SPA17: variants seen among roughly 807,000 people sequenced by gnomAD.
SPA17 encodes the protein sperm surface protein Sp17.
In SPA17, 7 loss-of-function variants were observed where a neutral mutation model predicts 13.8. That is an observed-to-expected ratio of 0.51 (90% confidence interval 0.29 to 0.95). SPA17 has a LOEUF of 0.95. Among genes scored for constraint, SPA17 ranks in the 40% least tolerant of loss-of-function variants. SPA17 has a pLI of 0.08. For synonymous variants in SPA17, 61 were observed against 59.0 expected (o/e 1.03, Z -0.16); for missense variants, 170 against 179.3 (o/e 0.95, Z 0.30).
Position 124,696,182 on chromosome 11 carries a change from C to CA in SPA17, c.*1737dup, listed in dbSNP as rs775671484. On this transcript the variant is annotated 3_prime_UTR_variant, in exon 5 of 5. Transcript: ENST00000227135. ...CCTTAACCCCTCTCCTCCAGGCTTA[C>CA]AGAGGAAAAGAAATCAGTTCTCCTC... is the stretch of plus-strand genomic sequence containing the variant. The CA allele has an allele frequency of 6.6e-6, 1 of 152,302 alleles. No individual in the cohort carries two copies. Among genetic ancestry groups the CA allele is most frequent in the Non-Finnish European group, 1.5e-5 (1 of 68,138 alleles). 9.4% of individuals were successfully genotyped at this position (152,302 alleles called of 1,614,324 possible). A position where few individuals can be genotyped will look rare whatever the true frequency, so the allele number is the denominator to read the frequency against.
Position 124,675,317 on chromosome 11 carries a change from A to G in SPA17, c.53A>G (p.Asn18Ser), listed in dbSNP as rs754285801. 1.2e-6 allele frequency: 2 copies of G among 1,614,212 alleles called. No homozygotes were observed. Among genetic ancestry groups the G allele is most frequent in the South Asian group, 2.2e-5 (2 of 91,080 alleles). The change falls in exon 2 of 5, where the codon AAT becomes AGT. Residue 18 changes from asparagine to serine, a missense_variant. Transcript: ENST00000227135. ...TACCGAATTCCACAAGGATTTGGGA[A>G]TCTTCTTGAAGGGCTGACACGCGAG... ...THYRIPQGFG[N>S]LLEGLTREIL... is the part of the protein sequence containing the mutation.
chr11:124,685,093 A>T (rs990614850), intron 3 of SPA17, among the ~76,000 whole-genome samples: 1 of 152,270 alleles, frequency 6.6e-6, no homozygotes, highest in African/African-American at 2.4e-5. Context: ...GACAATGGGG[A>T]AAATGTCTCC....
intron 2 of SPA17, among the ~76,000 whole-genome samples, chr11:124,678,235 G>T (rs540924250): frequency 6.6e-6 from 1 of 152,218 alleles, no homozygotes; most frequent in South Asian, 2.1e-4. Flanking sequence ...TCAAAAATGA[G>T]AACTATCTCT....
At position 124,693,485 on chromosome 11, in the gene SPA17, C is replaced by T. The variant is rs926299786; in HGVS notation, c.313-818C>T. 1.1e-3 allele frequency among the ~76,000 whole-genome samples: 159 copies of T among 148,000 alleles called. 1 individual carries two copies. The highest frequency in any genetic ancestry group is 3.7e-3 in the African/African-American group (151 of 40,528). On this transcript the variant is annotated intron_variant, in intron 4 of 4. Coordinates refer to ENST00000227135, the MANE Select transcript of SPA17 (RefSeq NM_017425.4). Reference sequence around the variant, plus strand: ...TGATCTCATTTTTAAAATAAAAAGACATATATATATATATATACCCATATG... The same window carrying T: ...TGATCTCATTTTTAAAATAAAAAGATATATATATATATATATACCCATATG...
At chr11:124,682,663 T>G (rs1943540270) in intron 3 of SPA17, among the ~76,000 whole-genome samples, 1 of 151,968 alleles carries the variant, frequency 6.6e-6, no homozygotes, top group Non-Finnish European at 1.5e-5. Flanking sequence ...TTTTAGAACT[T>G]GAATACAGGT....
At chr11:124,681,325 A>T in intron 2 of SPA17, 64 bp from the exon 3 acceptor site, 1 of 1,301,454 alleles carries the variant, frequency 7.7e-7, no homozygotes, top group Non-Finnish European at 1.1e-6. Flanking sequence ...CATTTGTGTC[A>T]CTATTCTACA....
chr11:124,678,516 C>CTGTGTGTGTGTGTGTGTGTG (rs60663679), intron 2 of SPA17, among the ~76,000 whole-genome samples: 4 of 143,260 alleles, frequency 2.8e-5, no homozygotes, highest in Admixed American at 7.0e-5. Flanking sequence ...GAATACATAA[C>CTGTGTGTGTGTGTGTGTGTG]TGTGTGTGTG....
intron 3 of SPA17, among the ~76,000 whole-genome samples, chr11:124,685,253 C>T (rs1943566970): frequency 6.6e-6 from 1 of 152,252 alleles, no homozygotes; most frequent in Non-Finnish European, 1.5e-5. Flanking sequence ...TCAGCTCCAG[C>T]TCTGGTTAAA....
chr11:124,675,908 G>A (rs1943457169), intron 2 of SPA17: 1 of 153,538 alleles, frequency 6.5e-6, no homozygotes, highest in East Asian at 1.9e-4. Flanking sequence ...ATTCACTGGG[G>A]TATATGAAAC....
At chr11:124,675,190 AG>A (rs1943444518) in intron 1 of SPA17, 47 bp from the exon 2 acceptor site, 4 of 1,522,132 alleles carry the variant, frequency 2.6e-6, no homozygotes, top group Non-Finnish European at 3.5e-6. Context: ...TGATTATATA[AG>A]TAAAATCAGA....
At chr11:124,684,298 G>A (rs1943556078) in intron 3 of SPA17, among the ~76,000 whole-genome samples, 1 of 151,400 alleles carries the variant, frequency 6.6e-6, no homozygotes, top group Non-Finnish European at 1.5e-5. Flanking sequence ...GTCTCATTCT[G>A]TCACCCAGGC....
At chr11:124,683,481 A>G (rs1285416939) in intron 3 of SPA17, among the ~76,000 whole-genome samples, 1 of 151,982 alleles carries the variant, frequency 6.6e-6, no homozygotes, top group Non-Finnish European at 1.5e-5. Flanking sequence ...AACTTTAAAC[A>G]TATATGGATT....
chr11:124,684,647 G>A (rs1943560237), intron 3 of SPA17, among the ~76,000 whole-genome samples: 1 of 152,196 alleles, frequency 6.6e-6, no homozygotes. Context: ...AGGCAGAGAG[G>A]TTCGAACTCT....
At chr11:124,675,846 A>G (rs1417514369) in intron 2 of SPA17, 1 of 157,134 alleles carries the variant, frequency 6.4e-6, no homozygotes, top group African/African-American at 2.4e-5. Flanking sequence ...CTTCCATTTG[A>G]AAGTATTTTA....
At chr11:124,674,496 C>T (rs1361666475) in intron 1 of SPA17, 2 of 152,346 alleles carry the variant, frequency 1.3e-5, no homozygotes, top group Non-Finnish European at 2.9e-5. Flanking sequence ...CAGGCCAGGT[C>T]CCGGAGGATT....
intron 3 of SPA17, among the ~76,000 whole-genome samples, chr11:124,687,823 A>G (rs964518298): frequency 6.6e-6 from 1 of 152,180 alleles, no homozygotes; most frequent in Non-Finnish European, 1.5e-5. Context: ...TCCCACAGCT[A>G]ATATTATACT....
intron 2 of SPA17, among the ~76,000 whole-genome samples, chr11:124,677,386 T>A (rs1168406721): frequency 6.6e-6 from 1 of 152,206 alleles, no homozygotes; most frequent in African/African-American, 2.4e-5. Context: ...ATGATTTAAA[T>A]GGTATTTCAG....
At chr11:124,689,506 G>T (rs1477911221) in intron 3 of SPA17, among the ~76,000 whole-genome samples, 1 of 152,138 alleles carries the variant, frequency 6.6e-6, no homozygotes, top group African/African-American at 2.4e-5. Context: ...TGGGCAAAGG[G>T]CTGGGCGTGG....
intron 2 of SPA17, 95 bp downstream of exon 2, chr11:124,675,513 C>T (rs952303736): frequency 7.3e-7 from 1 of 1,376,170 alleles, no homozygotes; most frequent in East Asian, 2.4e-5. Flanking sequence ...CTGCAGAAAG[C>T]CTTTTATGAG....
Sources: gnomAD v4.1 joint callset for allele counts (sites outside exome capture counted in the v4.1 genomes callset) on GRCh38, gnomAD v4.1.1 for gene constraint, MANE v1.5 for transcripts, NCBI Gene and HGNC (gene_info 2026-07-23, HGNC 2026-07-21) for gene names.